The following PPP1R12A variants were observed in gnomAD, a reference collection of about 807,000 sequenced individuals.
The protein encoded by PPP1R12A is myosin binding subunit.
A neutral mutation model predicts 139.6 loss-of-function variants in PPP1R12A; 19 were observed. The ratio of observed to expected loss-of-function variants is 0.14; its 90% CI spans 0.09 to 0.20. The LOEUF (loss-of-function observed/expected upper bound fraction) is 0.20. Among genes scored for constraint, PPP1R12A ranks in the 10% least tolerant of loss-of-function variants. The probability of loss-of-function intolerance (pLI) is 1.00; values close to 1 mark genes in which losing one functional copy is unlikely to be tolerated. For synonymous variants in PPP1R12A, 427 were observed against 420.6 expected, an observed-to-expected ratio of 1.02 and a Z score of -0.19; for missense variants, 925 against 1,211.5, an observed-to-expected ratio of 0.76 and a Z score of 3.51.
At chr12:79,897,973 T>C (rs1290984265) in intron 1 of PPP1R12A, among the ~76,000 whole-genome samples, 1 of 152,204 alleles carries the variant, frequency 6.6e-6, no homozygotes, top group Admixed American at 6.5e-5. Context: ...TTAGAAACTA[T>C]GTGGATTTGG....
chr12:79,852,278 C>A (rs1254129698), intron 2 of PPP1R12A, among the ~76,000 whole-genome samples: 1 of 151,370 alleles, frequency 6.6e-6, no homozygotes, highest in African/African-American at 2.4e-5. Flanking sequence ...ACAGCCATGA[C>A]CTCCCCAGCT....
chr12:79,838,830 T>C (rs1287707334), intron 3 of PPP1R12A, among the ~76,000 whole-genome samples: 1 of 152,200 alleles, frequency 6.6e-6, no homozygotes, highest in African/African-American at 2.4e-5. Context: ...AGAGCCCTCA[T>C]GGAGAACTTC....
At chr12:79,924,955 G>A (rs1352354317) in intron 1 of PPP1R12A, among the ~76,000 whole-genome samples, 2 of 152,060 alleles carry the variant, frequency 1.3e-5, no homozygotes, top group South Asian at 4.1e-4. Flanking sequence ...AAAATATCAT[G>A]TAATCACGGA....
intron 1 of PPP1R12A, among the ~76,000 whole-genome samples, chr12:79,882,560 T>G (rs952320371): frequency 2.6e-5 from 4 of 152,306 alleles, no homozygotes; most frequent in Admixed American, 6.5e-5. Context: ...AATCTACTCC[T>G]GGTGAAGATG....
intron 1 of PPP1R12A, among the ~76,000 whole-genome samples, chr12:79,886,686 A>T (rs1884134092): frequency 6.6e-6 from 1 of 152,172 alleles, no homozygotes; most frequent in Non-Finnish European, 1.5e-5. Flanking sequence ...GATATAAAAA[A>T]ATCTGACGAA....
intron 2 of PPP1R12A, among the ~76,000 whole-genome samples, chr12:79,869,094 T>C (rs1455686720): frequency 6.6e-6 from 1 of 152,216 alleles, no homozygotes; most frequent in African/African-American, 2.4e-5. Flanking sequence ...AAACAACCTC[T>C]ATTTTTAGTT....
rs148390967 is a variant in PPP1R12A at position 79,835,104 on chromosome 12, G to A, written c.488-2613C>T. On this transcript the variant is annotated intron_variant, in intron 3 of 24. Coordinates refer to ENST00000450142, the MANE Select transcript of PPP1R12A (RefSeq NM_002480.3). ...TGGGAGAAATGGGCTGAAAAAGGAG[G>A]ATTTGCTCTTTCTGCTTGCTCTCTC... Among the ~76,000 whole-genome samples the A allele has an allele frequency of 1.1e-3, 169 of 152,230 alleles. No individual in the cohort carries two copies. The Middle Eastern group carries it at 0.02, about 18-fold the overall frequency.
In PPP1R12A at chr12:79,855,954, C is replaced by T. The variant is rs772594599; in HGVS notation, c.369-10534G>A. Among the ~76,000 whole-genome samples the T allele has an allele frequency of 7.1e-4, 108 of 151,976 alleles. 2 individuals are homozygous for T. The highest frequency in any genetic ancestry group is 1.0e-3 in the Admixed American group (16 of 15,268). On this transcript the variant is annotated intron_variant, in intron 2 of 24. Transcript: ENST00000450142. ...AAAAACACAGTAAGCACTTGGTAAACGTTAGCTATTTATCATCATTAGCAC... is the reference window on the plus strand; with the variant it reads ...AAAAACACAGTAAGCACTTGGTAAATGTTAGCTATTTATCATCATTAGCAC...
chr12:79,850,655 C>A (rs1879933150), intron 2 of PPP1R12A, among the ~76,000 whole-genome samples: 1 of 152,160 alleles, frequency 6.6e-6, no homozygotes, highest in Admixed American at 6.5e-5. Flanking sequence ...TATGTCCCCA[C>A]CCAAATCTGA....
intron 1 of PPP1R12A, among the ~76,000 whole-genome samples, chr12:79,903,950 A>G (rs1885873920): frequency 6.6e-6 from 1 of 152,126 alleles, no homozygotes; most frequent in Admixed American, 6.5e-5. Flanking sequence ...GACATCATCT[A>G]CAATCAAGAA....
intron 1 of PPP1R12A, among the ~76,000 whole-genome samples, chr12:79,879,709 G>T (rs1883448327): frequency 6.6e-6 from 1 of 152,156 alleles, no homozygotes; most frequent in South Asian, 2.1e-4. Context: ...ATCTGTGGGA[G>T]AATGACAGGA....
chr12:79,887,733 G>C (rs971336992), intron 1 of PPP1R12A, among the ~76,000 whole-genome samples: 2 of 152,018 alleles, frequency 1.3e-5, no homozygotes, highest in African/African-American at 4.8e-5. Context: ...GAAAATTTTA[G>C]TTTCAGGGAA....
intron 14 of PPP1R12A, among the ~76,000 whole-genome samples, chr12:79,801,612 T>C (rs1873192839): frequency 6.6e-6 from 1 of 150,390 alleles, no homozygotes; most frequent in South Asian, 2.1e-4. Context: ...TCATTCTTTT[T>C]ATATATATAA....
chr12:79,810,539 A>AAC (rs1379081445), intron 9 of PPP1R12A, among the ~76,000 whole-genome samples: 87 of 152,310 alleles, frequency 5.7e-4, no homozygotes, highest in African/African-American at 2.0e-3. Flanking sequence ...AAGACAGGTA[A>AAC]AGAGACAAAG....
intron 1 of PPP1R12A, among the ~76,000 whole-genome samples, chr12:79,888,201 C>T (rs551201334): frequency 1.3e-5 from 2 of 152,168 alleles, no homozygotes; most frequent in Admixed American, 1.3e-4. Flanking sequence ...ACTAAACACA[C>T]AACAACAAAA....
intron 2 of PPP1R12A, among the ~76,000 whole-genome samples, chr12:79,866,992 T>C (rs1882041015): frequency 6.6e-6 from 1 of 152,164 alleles, no homozygotes; most frequent in Non-Finnish European, 1.5e-5. Context: ...GGATTATAAA[T>C]CATCCTGCAA....
chr12:79,778,133 A>C (rs547806386), intron 24 of PPP1R12A, among the ~76,000 whole-genome samples: 72 of 152,208 alleles, frequency 4.7e-4, no homozygotes, highest in African/African-American at 1.5e-3. Flanking sequence ...AATGTCCTTT[A>C]CTTTCAAAGG....
At chr12:79,930,942 C>T (rs1042190769) in intron 1 of PPP1R12A, among the ~76,000 whole-genome samples, 2 of 152,096 alleles carry the variant, frequency 1.3e-5, no homozygotes, top group East Asian at 1.9e-4. Context: ...AAATGTTTAA[C>T]TTGATTCTAA....
chr12:79,787,249 C>CA (rs1565738011), intron 21 of PPP1R12A: 1 of 152,142 alleles, frequency 6.6e-6, no homozygotes. Flanking sequence ...TCTTAGCATA[C>CA]GAAAAATCTT....
Sources: allele counts gnomAD v4.1 joint callset (sites outside exome capture counted in the v4.1 genomes callset), GRCh38; gene constraint gnomAD v4.1.1; transcripts MANE v1.5; gene names NCBI Gene and HGNC (gene_info 2026-07-23, HGNC 2026-07-21).